Variants in GLB1L2 observed in about 807,000 individuals in gnomAD.
The protein encoded by GLB1L2 is galactosidase beta 1 like 2.
GLB1L2 carries 68 observed loss-of-function variants against 84.1 expected under a neutral mutation model. The observed-to-expected ratio is 0.81, with a 90% CI of 0.67 to 0.99. GLB1L2 has a LOEUF of 0.99. Among genes scored for constraint, GLB1L2 ranks in the 50% least tolerant of loss-of-function variants. The probability of loss-of-function intolerance (pLI) is 0.00; values close to 1 mark genes in which losing one functional copy is unlikely to be tolerated. For synonymous variants in GLB1L2, 290 were observed against 318.0 expected, an observed-to-expected ratio of 0.91 and a Z score of 0.94; for missense variants, 762 against 805.6, an observed-to-expected ratio of 0.95 and a Z score of 0.66.
At chr11:134,347,545 G>A in intron 5 of GLB1L2, 112 bp downstream of exon 5, 1 of 751,192 alleles carries the variant, frequency 1.3e-6, no homozygotes. Flanking sequence ...CACACGAGCA[G>A]GCTCTTCCTC....
chr11:134,364,648 C>T (rs532988700), intron 8 of GLB1L2: 43 of 460,166 alleles, frequency 9.3e-5, no homozygotes, highest in African/African-American at 8.3e-4. Context: ...TTTTGGTGCA[C>T]TCCTAGAGGA....
chr11:134,333,680 G>T (rs893625723), intron 1 of GLB1L2, among the ~76,000 whole-genome samples: 2 of 152,210 alleles, frequency 1.3e-5, no homozygotes, highest in African/African-American at 4.8e-5. Flanking sequence ...GTGGCAGGGA[G>T]CTGACCTAGC....
intron 1 of GLB1L2, among the ~76,000 whole-genome samples, chr11:134,341,505 A>C (rs1015457886): frequency 2.6e-5 from 4 of 152,218 alleles, no homozygotes; most frequent in African/African-American, 9.6e-5. Context: ...TGTCATTTGC[A>C]AGCCATTTAC....
chr11:134,345,037 CTTCG>C lies in GLB1L2; in HGVS notation c.359_362del (p.Phe120SerfsTer2), dbSNP rs778271591. 1 of 1,612,272 alleles carries C rather than the reference CTTCG, an allele frequency of 6.2e-7. No individual in the cohort carries two copies. Among genetic ancestry groups the C allele is most frequent in the Non-Finnish European group, 8.5e-7 (1 of 1,179,208 alleles). On this transcript the variant is annotated frameshift_variant, in exon 4 of 19. Coordinates refer to ENST00000535456, the MANE Select transcript of GLB1L2 (RefSeq NM_001370461.1). LOFTEE classifies it high-confidence loss of function. ...CTGACGATGTGGACCTCCCTAGGGC[CTTCG>C]TCCTGATGGCCGCAGAGATCGGGCT...
At chr11:134,364,488 C>CTCCCT in intron 8 of GLB1L2, 90 bp downstream of exon 8, 1 of 1,068,840 alleles carries the variant, frequency 9.4e-7, no homozygotes, top group Non-Finnish European at 1.4e-6. Flanking sequence ...GCTTCCCCAG[C>CTCCCT]GCAGGGAGCT....
At position 134,370,800 on chromosome 11, in the gene GLB1L2, C is replaced by T. The variant is rs570325428; in HGVS notation, c.1216-208C>T. Among the ~76,000 whole-genome samples the T allele has an allele frequency of 7.2e-4, 109 of 152,264 alleles. No homozygotes were observed. In the South Asian group the frequency reaches 0.019, roughly 27 times the overall value. The stretch of plus-strand genomic sequence containing the variant: ...GGCTGTGATGTGTGTCCCCTGCCTG[C>T]GGACTGCACTCTGCTGGTGCACACC... On this transcript the variant is annotated intron_variant, in intron 12 of 18. Coordinates refer to ENST00000535456, the MANE Select transcript of GLB1L2 (RefSeq NM_001370461.1). The surrounding 1 kb of genome is among the most constrained non-coding windows in gnomAD (Gnocchi z 4.7).
chr11:134,344,691 A>G (rs548280246), intron 3 of GLB1L2, among the ~76,000 whole-genome samples: 1 of 152,386 alleles, frequency 6.6e-6, no homozygotes, highest in Admixed American at 6.5e-5. Flanking sequence ...AGAGGGGCAG[A>G]AGACCCTGGG....
At position 134,374,714 on chromosome 11, in the gene GLB1L2, A is replaced by G. The variant is rs923513121; in HGVS notation, c.1820A>G (p.Asn607Ser). The G allele has an allele frequency of 1.9e-6, 3 of 1,610,784 alleles. No homozygotes were observed. The highest frequency in any genetic ancestry group is 1.3e-5 in the African/African-American group (1 of 74,880). ...GGTCCCTGGTTGAGCAGCGGAATCA[A>G]CCAGGTGGGAGCTTCCAGCCCCTTC... is the stretch of plus-strand genomic sequence containing the variant. ...LPGPWLSSGI[N>S]QVIVFEETMA... Residue 607 changes from asparagine to serine, a missense_variant, in exon 18 of 19, where the codon AAC (asparagine) becomes AGC (serine). This residue lies in a region of GLB1L2 where 603 missense variants were observed against 611.7 expected (regional missense o/e 0.99). Coordinates refer to ENST00000535456, the MANE Select transcript of GLB1L2 (RefSeq NM_001370461.1).
At chr11:134,373,290 C>T (rs910479745) in intron 15 of GLB1L2, among the ~76,000 whole-genome samples, 8 of 152,194 alleles carry the variant, frequency 5.3e-5, no homozygotes, top group Non-Finnish European at 1.2e-4. Context: ...ACAGTCCAAA[C>T]ACTCCTAATG....
intron 5 of GLB1L2, among the ~76,000 whole-genome samples, chr11:134,355,586 C>T (rs1943689949): frequency 1.3e-5 from 2 of 152,206 alleles, no homozygotes; most frequent in African/African-American, 4.8e-5. Context: ...CTCCCTACCT[C>T]CCCTCCCTGG....
chr11:134,336,389 C>T (rs1049930969), intron 1 of GLB1L2, among the ~76,000 whole-genome samples: 11 of 152,306 alleles, frequency 7.2e-5, no homozygotes, highest in Admixed American at 6.5e-5. Flanking sequence ...GTAATGGCTT[C>T]TTTCAGAAAT....
intron 5 of GLB1L2, among the ~76,000 whole-genome samples, chr11:134,349,762 T>G (rs1279456476): frequency 6.6e-6 from 1 of 152,228 alleles, no homozygotes; most frequent in Non-Finnish European, 1.5e-5. Flanking sequence ...CTTCTGCTCA[T>G]TTTTGAATCT....
In GLB1L2 at chr11:134,370,902, C is replaced by G; in HGVS notation, c.1216-106C>G. 7.8e-7 allele frequency: 1 copy of G among 1,281,548 alleles called. No individual in the cohort carries two copies. The highest frequency in any genetic ancestry group is 2.3e-5 in the East Asian group (1 of 43,236). 79.4% of individuals were successfully genotyped at this position (1,281,548 alleles called of 1,614,324 possible). A position where few individuals can be genotyped will look rare whatever the true frequency, so the allele number is the denominator to read the frequency against. ...CAATGAGAAGTCAAAGTAGAAAACA[C>G]CCACCAAACCTCCGCTTCCACCCCA... is the stretch of plus-strand genomic sequence containing the variant. On this transcript the variant is annotated intron_variant, in intron 12 of 18. Transcript: ENST00000535456. The surrounding 1 kb of genome is among the most constrained non-coding windows in gnomAD (Gnocchi z 4.7).
chr11:134,346,580 CTTGT>C (rs892568545), intron 4 of GLB1L2: 9 of 152,398 alleles, frequency 5.9e-5, no homozygotes, highest in African/African-American at 2.2e-4. Context: ...CTCCTCACCC[CTTGT>C]TTGACCCACA....
rs775534976 is a variant in GLB1L2, at chr11:134,371,140, C to G, written c.1348C>G (p.Arg450Gly). The G allele has an allele frequency of 2.5e-6, 4 of 1,614,048 alleles. No homozygotes were observed. In the African/African-American group the frequency reaches 5.3e-5, roughly 22 times the overall value. The change falls in exon 13 of 19, where the codon CGG becomes GGG. Residue 450 changes from arginine to glycine, a missense_variant. By Grantham distance (125) the Arg-to-Gly change is moderately radical. This residue lies in a region of GLB1L2 where 603 missense variants were observed against 611.7 expected (regional missense o/e 0.99). Coordinates refer to ENST00000535456, the MANE Select transcript of GLB1L2 (RefSeq NM_001370461.1). The stretch of plus-strand genomic sequence containing the variant: ...CATCCTCAGTGGCCACGTGCATGAT[C>G]GGGGGCAGGTAGGAGCTTCTCTTCT... ...SGILSGHVHD[R>G]GQVFVNTVSI...
chr11:134,370,300 TCTCC>T lies in GLB1L2; in HGVS notation c.1122_1125del (p.Pro375HisfsTer13). The T allele has an allele frequency of 6.2e-7, 1 of 1,613,468 alleles. No individual in the cohort carries two copies. Among genetic ancestry groups the T allele is most frequent in the East Asian group, 2.2e-5 (1 of 44,816 alleles). ...CTGTTTTCTGTGTTGCAGGCATCCC[TCTCC>T]CTCCCCCACCTGACCTTCTTCCCAA... is the stretch of plus-strand genomic sequence containing the variant. On this transcript the variant is annotated frameshift_variant, in exon 12 of 19. Transcript: ENST00000535456. LOFTEE classifies it high-confidence loss of function. The surrounding 1 kb of genome is among the most constrained non-coding windows in gnomAD (Gnocchi z 4.7).
intron 5 of GLB1L2, among the ~76,000 whole-genome samples, chr11:134,351,824 T>TTTTG (rs1278858693): frequency 6.6e-6 from 1 of 152,232 alleles, no homozygotes; most frequent in Non-Finnish European, 1.5e-5. Flanking sequence ...TCATAGTGTC[T>TTTTG]TTTGTTTGTA....
intron 5 of GLB1L2, among the ~76,000 whole-genome samples, chr11:134,354,415 T>C (rs1943675079): frequency 6.6e-6 from 1 of 152,014 alleles, no homozygotes; most frequent in Non-Finnish European, 1.5e-5. Context: ...AAAGCCACAT[T>C]GTAAAGAAAA....
intron 1 of GLB1L2, among the ~76,000 whole-genome samples, chr11:134,342,415 G>T (rs1943478739): frequency 6.6e-6 from 1 of 151,896 alleles, no homozygotes; most frequent in South Asian, 2.1e-4. Context: ...GCTGGCCACG[G>T]TGAAGCCCGT....
Sources: gnomAD v4.1 joint callset for allele counts (sites outside exome capture counted in the v4.1 genomes callset) on GRCh38, gnomAD v4.1.1 for gene constraint, gnomAD v4.1.1 regional missense constraint, Gnocchi (gnomAD v3.1) non-coding constraint, MANE v1.5 for transcripts, NCBI Gene and HGNC (gene_info 2026-07-23, HGNC 2026-07-21) for gene names.